The following FLRT2 variants were observed in gnomAD, a reference collection of about 807,000 sequenced individuals.
The protein encoded by FLRT2 is leucine-rich repeat transmembrane protein FLRT2.
Under a neutral mutation model 40.0 loss-of-function variants are expected in FLRT2, and 15 were observed. The observed-to-expected ratio is 0.38, with a 90% confidence interval of 0.25 to 0.58. FLRT2 has a LOEUF of 0.58. FLRT2 is among the 20% of genes least tolerant of loss of function. The pLI is 0.71. For missense variants in FLRT2, 726 were observed against 840.0 expected (o/e 0.86, Z 1.68); for synonymous variants, 380 against 336.8 (o/e 1.13, Z -1.41).
rs1893944478 is a variant in FLRT2 at position 85,634,003 on chromosome 14, T to A, written c.*10506T>A. 1 of 152,112 alleles carries A rather than the reference T, an allele frequency of 6.6e-6. No individual in the cohort carries two copies. Among genetic ancestry groups the A allele is most frequent in the South Asian group, 2.1e-4 (1 of 4,822 alleles). 9.4% of individuals were successfully genotyped at this position (152,112 alleles called of 1,614,324 possible). ...TGCAGGTGCAATAGTCTACCACCTG[T>A]CATGTGGTTACTTTTTGCAATCGAT... On this transcript the variant is annotated 3_prime_UTR_variant, in exon 2 of 2. Coordinates refer to ENST00000330753, the MANE Select transcript of FLRT2 (RefSeq NM_013231.6).
Position 85,643,355 on chromosome 14 carries a change from C to CTTTCTT in FLRT2, c.*19860_*19861insTCTTTT. On this transcript the variant is annotated 3_prime_UTR_variant, in exon 2 of 2. Coordinates refer to ENST00000330753, the MANE Select transcript of FLRT2 (RefSeq NM_013231.6). Reference sequence around the variant, plus strand: ...TCTTTCTTTCTTTCTTTCTTTCTTTCTTCCTTCCTTCCTTCCTTCCTTTCT... The same window carrying CTTTCTT: ...TCTTTCTTTCTTTCTTTCTTTCTTTCTTTCTTTTCCTTCCTTCCTTCCTTCCTTTCT... 2.0e-5 allele frequency: 2 copies of CTTTCTT among 100,736 alleles called. No individual in the cohort carries two copies. The highest frequency in any genetic ancestry group is 8.0e-5 in the African/African-American group (2 of 24,994). 6.2% of individuals were successfully genotyped at this position (100,736 alleles called of 1,614,324 possible).
At chr14:85,584,500 C>T (rs1566740019) in intron 1 of FLRT2, among the ~76,000 whole-genome samples, 1 of 152,150 alleles carries the variant, frequency 6.6e-6, no homozygotes, top group East Asian at 1.9e-4. Flanking sequence ...GATTTTGAGG[C>T]TTTTCCTTAG....
chr14:85,562,717 C>A (rs749298971), intron 1 of FLRT2: 2 of 148,522 alleles, frequency 1.3e-5, no homozygotes, highest in African/African-American at 5.0e-5. Context: ...TCAGGCCACA[C>A]GGTTCAATAA....
chr14:85,540,620 G>T (rs74998223), intron 1 of FLRT2, among the ~76,000 whole-genome samples: 1 of 152,018 alleles, frequency 6.6e-6, no homozygotes, highest in Non-Finnish European at 1.5e-5. Flanking sequence ...GCCAAAATGA[G>T]TATTTCTTTC....
Position 85,642,045 on chromosome 14 carries a change from T to C in FLRT2, c.*18548T>C, listed in dbSNP as rs1167310022. On this transcript the variant is annotated 3_prime_UTR_variant, in exon 2 of 2. Transcript: ENST00000330753. ...CAACAAATTCAGAGTTTTAAATAACTGGCTCAAGGCAAGTCAGAGGTCCAA... is the reference window on the plus strand; with the variant it reads ...CAACAAATTCAGAGTTTTAAATAACCGGCTCAAGGCAAGTCAGAGGTCCAA... 6.7e-6 allele frequency: 1 copy of C among 150,294 alleles called. No individual in the cohort carries two copies. Among genetic ancestry groups the C allele is most frequent in the Non-Finnish European group, 1.5e-5 (1 of 67,858 alleles). 9.3% of individuals were successfully genotyped at this position (150,294 alleles called of 1,614,324 possible).
chr14:85,592,042 T>A (rs1891908327), intron 1 of FLRT2, among the ~76,000 whole-genome samples: 1 of 152,186 alleles, frequency 6.6e-6, no homozygotes, highest in East Asian at 1.9e-4. Flanking sequence ...AATTACAAAT[T>A]GACTTTAAAA....
At chr14:85,572,149 T>G (rs1359957282) in intron 1 of FLRT2, among the ~76,000 whole-genome samples, 1 of 152,220 alleles carries the variant, frequency 6.6e-6, no homozygotes, top group Non-Finnish European at 1.5e-5. Flanking sequence ...CCCTGTGTTT[T>G]CTCATTTCTG....
At chr14:85,572,691 C>T (rs1356783987) in intron 1 of FLRT2, among the ~76,000 whole-genome samples, 1 of 152,194 alleles carries the variant, frequency 6.6e-6, no homozygotes, top group Non-Finnish European at 1.5e-5. Flanking sequence ...CCCACTGGGT[C>T]CACAGAAACA....
At chr14:85,620,383 G>C (rs556984359) in intron 1 of FLRT2, among the ~76,000 whole-genome samples, 1 of 152,044 alleles carries the variant, frequency 6.6e-6, no homozygotes, top group Non-Finnish European at 1.5e-5. Flanking sequence ...TAAGCAAATC[G>C]ATCAGTTATC....
intron 1 of FLRT2, among the ~76,000 whole-genome samples, chr14:85,613,465 T>G (rs1256633159): frequency 2.0e-5 from 3 of 152,232 alleles, no homozygotes; most frequent in African/African-American, 7.2e-5. Flanking sequence ...CATCCATCGC[T>G]CTATCTATCC....
chr14:85,557,608 C>T (rs1257757852), intron 1 of FLRT2, among the ~76,000 whole-genome samples: 5 of 151,948 alleles, frequency 3.3e-5, no homozygotes, highest in African/African-American at 7.3e-5. Flanking sequence ...GTCAGGAGTT[C>T]GAGACCAGCC....
Position 85,643,334 on chromosome 14 carries a change from T to TTCCTTC in FLRT2, c.*19837_*19838insTCCTTC, listed in dbSNP as rs1293250107. 21 of 115,056 alleles carry TTCCTTC rather than the reference T, an allele frequency of 1.8e-4. 2 individuals carry two copies. The highest frequency in any genetic ancestry group is 7.4e-4 in the African/African-American group (20 of 27,082). 7.1% of individuals were successfully genotyped at this position (115,056 alleles called of 1,614,324 possible). A position where few individuals can be genotyped will look rare whatever the true frequency, so the allele number is the denominator to read the frequency against. On this transcript the variant is annotated 3_prime_UTR_variant, in exon 2 of 2. Transcript: ENST00000330753. ...TTCTTTCTTTCTTTCTTTCTTTCTT[T>TTCCTTC]CTTTCTTTCTTTCTTTCTTTCTTCC...
chr14:85,613,064 C>T (rs958231882), intron 1 of FLRT2, among the ~76,000 whole-genome samples: 5 of 151,850 alleles, frequency 3.3e-5, no homozygotes, highest in Non-Finnish European at 5.9e-5. Context: ...GCCTATTTTA[C>T]GTTGATTCTA....
intron 1 of FLRT2, among the ~76,000 whole-genome samples, chr14:85,608,929 T>C (rs1035468168): frequency 2.0e-5 from 3 of 152,186 alleles, no homozygotes; most frequent in Non-Finnish European, 4.4e-5. Context: ...ACTTTGCCTA[T>C]TGTGACCCAT....
intron 1 of FLRT2, among the ~76,000 whole-genome samples, chr14:85,551,102 A>G (rs1036970767): frequency 1.3e-5 from 2 of 152,248 alleles, no homozygotes; most frequent in Non-Finnish European, 2.9e-5. Context: ...TTTGTAAATA[A>G]TGAAATCTAG....
intron 1 of FLRT2, among the ~76,000 whole-genome samples, chr14:85,589,275 T>C (rs1891777018): frequency 6.6e-6 from 1 of 152,224 alleles, no homozygotes. Flanking sequence ...CCAGCATTTT[T>C]TATTGCCTCT....
intron 1 of FLRT2, among the ~76,000 whole-genome samples, chr14:85,606,634 C>G (rs1329246134): frequency 1.3e-5 from 2 of 149,392 alleles, no homozygotes; most frequent in African/African-American, 4.9e-5. Flanking sequence ...AAGCGATTCT[C>G]CTGCCTCAGC....
chr14:85,618,845 C>T (rs1321955913), intron 1 of FLRT2, among the ~76,000 whole-genome samples: 1 of 152,124 alleles, frequency 6.6e-6, no homozygotes, highest in Non-Finnish European at 1.5e-5. Flanking sequence ...CCAGGTTAGG[C>T]TCATGCTGCT....
At chr14:85,535,187 G>A (rs752971018) in intron 1 of FLRT2, among the ~76,000 whole-genome samples, 1 of 152,122 alleles carries the variant, frequency 6.6e-6, no homozygotes, top group Non-Finnish European at 1.5e-5. Context: ...AGGGTTTCAG[G>A]GCGCTTTGGA....
Sources: gnomAD v4.1 joint callset for allele counts (sites outside exome capture counted in the v4.1 genomes callset) on GRCh38, gnomAD v4.1.1 for gene constraint, MANE v1.5 for transcripts, NCBI Gene and HGNC (gene_info 2026-07-23, HGNC 2026-07-21) for gene names.